RIC1: variants seen among roughly 807,000 people sequenced by gnomAD.
The protein encoded by RIC1 is RIC1 partner of RAB6A GEF complex.
In RIC1, 88 loss-of-function variants were observed where a neutral mutation model predicts 169.0. The observed-to-expected ratio is 0.52, with a 90% CI of 0.44 to 0.62. RIC1 has a LOEUF of 0.62. Ranked by LOEUF, RIC1 falls within the 20% of genes least tolerant of loss-of-function variation. The pLI, the probability that RIC1 is intolerant of heterozygous loss-of-function variation, is 0.00. For missense variants in RIC1, 1,877 were observed against 1,725.5 expected, an observed-to-expected ratio of 1.09 and a Z score of -1.56; for synonymous variants, 790 against 601.5, an observed-to-expected ratio of 1.31 and a Z score of -4.59.
At chr9:5,695,671 C>G (rs537533987) in intron 3 of RIC1, among the ~76,000 whole-genome samples, 1 of 149,766 alleles carries the variant, frequency 6.7e-6, no homozygotes, top group Admixed American at 6.7e-5. Context: ...CTTCTGGGTT[C>G]AAGCGATTCT....
chr9:5,722,138 T>C (rs1296960891), intron 6 of RIC1, among the ~76,000 whole-genome samples: 1 of 151,820 alleles, frequency 6.6e-6, no homozygotes, highest in Non-Finnish European at 1.5e-5. Context: ...TCCACCCACC[T>C]CAGCCTCCCA....
chr9:5,708,147 G>T (rs1388282494), intron 3 of RIC1, among the ~76,000 whole-genome samples: 2 of 152,024 alleles, frequency 1.3e-5, no homozygotes, highest in African/African-American at 2.4e-5. Flanking sequence ...TACCAACTTA[G>T]CTTCAATAAT....
chr9:5,646,202 A>T (rs1216122347), intron 1 of RIC1, among the ~76,000 whole-genome samples: 2 of 152,064 alleles, frequency 1.3e-5, no homozygotes, highest in African/African-American at 4.8e-5. Context: ...ATGTACTTGT[A>T]AGTCATGTGT....
intron 6 of RIC1, among the ~76,000 whole-genome samples, chr9:5,730,469 CTATGATTCCATTT>C (rs1824301339): frequency 6.6e-6 from 1 of 152,066 alleles, no homozygotes; most frequent in South Asian, 2.1e-4. Context: ...GGAATACATG[CTATGATTCCATTT>C]TAGGTAAAAA....
intron 6 of RIC1, among the ~76,000 whole-genome samples, chr9:5,727,684 T>G (rs776242684): frequency 6.6e-6 from 1 of 152,204 alleles, no homozygotes; most frequent in Non-Finnish European, 1.5e-5. Flanking sequence ...TTATCTGCCT[T>G]TAGTCTTTGA....
intron 12 of RIC1, among the ~76,000 whole-genome samples, chr9:5,747,826 T>C (rs1444757477): frequency 6.6e-6 from 1 of 152,204 alleles, no homozygotes; most frequent in African/African-American, 2.4e-5. Context: ...TCTACGGATT[T>C]GCACAGGCAA....
At chr9:5,725,188 G>A (rs888776622) in intron 6 of RIC1, among the ~76,000 whole-genome samples, 3 of 152,106 alleles carry the variant, frequency 2.0e-5, no homozygotes, top group Non-Finnish European at 4.4e-5. Flanking sequence ...GTCTCGTCCT[G>A]GACTTTTTTT....
At position 5,720,182 on chromosome 9, in the gene RIC1, T is replaced by A. The variant is rs769059656; in HGVS notation, c.441T>A (p.Ser147Arg). 6.2e-7 allele frequency: 1 copy of A among 1,609,768 alleles called. No homozygotes were observed. Among genetic ancestry groups the A allele is most frequent in the Non-Finnish European group, 8.5e-7 (1 of 1,176,388 alleles). Residue 147 changes from serine (S) to arginine (R), a missense_variant and splice_region_variant, in exon 5 of 26, where the codon AGT (serine) becomes AGA (arginine). Ser to Arg is a moderately radical substitution (Grantham distance 110). This residue lies in a region of RIC1 where 1,104 missense variants were observed against 992.0 expected (regional missense o/e 1.11). Transcript: ENST00000414202. ...AAAAATTAATTGATTCTACCTACAG[T>A]TTGCAGTCTGTGTTGGAAGATCTCC... is the stretch of plus-strand genomic sequence containing the variant. ...KILDLQAPIM[S>R]LQSVLEDLLV...
chr9:5,759,492 A>G (rs1382759970), intron 17 of RIC1, among the ~76,000 whole-genome samples: 1 of 152,202 alleles, frequency 6.6e-6, no homozygotes, highest in Non-Finnish European at 1.5e-5. Flanking sequence ...GCAGTGGTTA[A>G]AAGTCATTTG....
chr9:5,776,419 T>TAA lies in RIC1; in HGVS notation c.*2175_*2176dup, dbSNP rs1827590099. The TAA allele has an allele frequency of 2.0e-5, 3 of 151,808 alleles. No homozygotes were observed. Among genetic ancestry groups the TAA allele is most frequent in the South Asian group, 4.1e-4 (2 of 4,836 alleles). 9.4% of individuals were successfully genotyped at this position (151,808 alleles called of 1,614,324 possible). A position where few individuals can be genotyped will look rare whatever the true frequency, so the allele number is the denominator to read the frequency against. On this transcript the variant is annotated 3_prime_UTR_variant, in exon 26 of 26. Transcript: ENST00000414202. ...GAGGTTTACTAGATGCATTTATTAA[T>TAA]AAATTATTTGCTGAAACCAAAACAA...
chr9:5,687,048 G>C (rs1821291531), intron 2 of RIC1, among the ~76,000 whole-genome samples: 1 of 152,172 alleles, frequency 6.6e-6, no homozygotes, highest in Admixed American at 6.5e-5. Context: ...TCAGGGTACA[G>C]ATTTCTTTTC....
intron 7 of RIC1, among the ~76,000 whole-genome samples, chr9:5,736,983 C>CAA (rs55858819): frequency 7.2e-6 from 1 of 139,718 alleles, no homozygotes; most frequent in Non-Finnish European, 1.6e-5. Context: ...CTCCTACCAC[C>CAA]AAAAAAAAAA....
chr9:5,668,752 T>A (rs1475523889), intron 2 of RIC1, among the ~76,000 whole-genome samples: 1 of 152,184 alleles, frequency 6.6e-6, no homozygotes, highest in Non-Finnish European at 1.5e-5. Context: ...TTTTCCCTTT[T>A]ATCGATATTC....
chr9:5,696,277 C>T (rs1821899013), intron 3 of RIC1, among the ~76,000 whole-genome samples: 1 of 150,898 alleles, frequency 6.6e-6, no homozygotes, highest in Non-Finnish European at 1.5e-5. Flanking sequence ...TTTTCCAAAA[C>T]GAAGTCCAAG....
At chr9:5,773,679 A>G (rs182906290) in intron 25 of RIC1, among the ~76,000 whole-genome samples, 25 of 152,298 alleles carry the variant, frequency 1.6e-4, no homozygotes, top group African/African-American at 5.8e-4. Flanking sequence ...TGGCCTTTCA[A>G]TTGTAAAATA....
rs759784345 is a variant in RIC1, at chr9:5,765,581, C to G, written c.3000+9C>G. 1 of 1,613,864 alleles carries G rather than the reference C, an allele frequency of 6.2e-7. No homozygotes were observed. On this transcript the variant is annotated intron_variant, in intron 20 of 25. Transcript: ENST00000414202. ...CCACACCCACAGCTCAGGTTAGTTG[C>G]AAAAGTTACACATCTTCTCTAGGCC...
intron 2 of RIC1, among the ~76,000 whole-genome samples, chr9:5,665,479 G>A (rs1727166093): frequency 6.6e-6 from 1 of 152,158 alleles, no homozygotes; most frequent in South Asian, 2.1e-4. Context: ...GTGAGCCCTT[G>A]CTGGAGAGGT....
At chr9:5,652,176 T>C (rs770303506) in intron 1 of RIC1, among the ~76,000 whole-genome samples, 7 of 152,244 alleles carry the variant, frequency 4.6e-5, no homozygotes, top group Non-Finnish European at 8.8e-5. Flanking sequence ...TTGTTCAAGA[T>C]TGCTTTGGCT....
At position 5,756,696 on chromosome 9, in the gene RIC1, C is replaced by G. The variant is rs534325441; in HGVS notation, c.1853+324C>G. 2.6e-5 allele frequency among the ~76,000 whole-genome samples: 4 copies of G among 152,122 alleles called. No individual in the cohort carries two copies. In the East Asian group the frequency reaches 7.7e-4, roughly 29 times the overall value. ...ACTGACTCTCCTGGTGCTCTCGATA[C>G]TTGGTGGGAATTTGAAGGAGTTCTA... On this transcript the variant is annotated intron_variant, in intron 16 of 25. Transcript: ENST00000414202.
Sources: allele counts gnomAD v4.1 joint callset (sites outside exome capture counted in the v4.1 genomes callset), GRCh38; gene constraint gnomAD v4.1.1; regional missense constraint gnomAD v4.1.1; transcripts MANE v1.5; gene names NCBI Gene and HGNC (gene_info 2026-07-23, HGNC 2026-07-21).